The following ENOSF1 variants were observed in gnomAD, a reference collection of about 807,000 sequenced individuals.
ENOSF1 encodes enolase superfamily member 1, also known as mitochondrial enolase superfamily member 1.
Under a neutral mutation model 68.2 loss-of-function variants are expected in ENOSF1, and 73 were observed. The observed-to-expected ratio is 1.07, with a 90% CI of 0.89 to 1.30. The LOEUF (loss-of-function observed/expected upper bound fraction) is 1.30, where lower values mean the gene tolerates loss of function less well. ENOSF1 is among the 50% of genes most tolerant of loss of function. The pLI, the probability that ENOSF1 is intolerant of heterozygous loss-of-function variation, is 0.00. For synonymous variants in ENOSF1, 223 were observed against 210.4 expected (o/e 1.06, Z -0.52); for missense variants, 589 against 554.5 (o/e 1.06, Z -0.62).
In ENOSF1 at chr18:712,602, G is replaced by C. The variant is rs1000374003; in HGVS notation, c.-15C>G. On this transcript the variant is annotated 5_prime_UTR_variant, in exon 1 of 16. Transcript: ENST00000647584. ...CCGCGCACCATGGCCCCTGCGCCCC[G>C]TGGCCGCGGCCCCCGTGCGGTCAGG... 6.5e-7 allele frequency: 1 copy of C among 1,531,526 alleles called. No homozygotes were observed. Among genetic ancestry groups the C allele is most frequent in the Non-Finnish European group, 8.7e-7 (1 of 1,143,850 alleles). The allele number at this position is 1,531,526 out of a possible 1,614,324, so 94.9% of individuals were successfully genotyped here. A position where few individuals can be genotyped will look rare whatever the true frequency, so the allele number is the denominator to read the frequency against.
chr18:712,176 AC>A (rs1173028306), intron 1 of ENOSF1, among the ~76,000 whole-genome samples: 1 of 152,108 alleles, frequency 6.6e-6, no homozygotes, highest in Non-Finnish European at 1.5e-5. Context: ...CAAAGAAAAA[AC>A]CCAGGAGAGT....
downstream of ENOSF1, among the ~76,000 whole-genome samples, chr18:667,278 TG>T (rs1235974179): frequency 5.3e-4 from 7 of 13,262 alleles, 1 homozygote; most frequent in African/African-American, 1.1e-3. Flanking sequence ...GTGATGGTGA[TG>T]GGATGGTGAT....
intron 5 of ENOSF1, chr18:692,220 G>GT (rs1335003172): frequency 2.0e-5 from 3 of 152,202 alleles, no homozygotes; most frequent in Admixed American, 2.0e-4. Flanking sequence ...ACAGCCAGTA[G>GT]TTCCATTCCC....
intron 5 of ENOSF1, chr18:691,521 T>C: frequency 4.7e-6 from 2 of 429,574 alleles, no homozygotes; most frequent in Non-Finnish European, 8.4e-6. Context: ...AATTTATTTT[T>C]ATTTTTGTAG....
chr18:676,645 T>C (rs1261348344), intron 14 of ENOSF1, among the ~76,000 whole-genome samples: 2 of 152,224 alleles, frequency 1.3e-5, no homozygotes, highest in African/African-American at 4.8e-5. Context: ...TTTATAGCAG[T>C]GCAAGAATAG....
downstream of ENOSF1, among the ~76,000 whole-genome samples, chr18:669,730 GGAAGCAGAT>G (rs1399075080): frequency 6.6e-6 from 1 of 151,644 alleles, no homozygotes; most frequent in Non-Finnish European, 1.5e-5. Context: ...CATTTTAAAT[GGAAGCAGAT>G]GAAGTTCCAG....
rs1486237717 is a variant in ENOSF1, at chr18:672,683, A to AAC, written c.*1620_*1621dup. The AAC allele has an allele frequency of 3.5e-6, 2 of 572,852 alleles. No homozygotes were observed. The highest frequency in any genetic ancestry group is 5.9e-6 in the Non-Finnish European group (2 of 341,310). The allele number at this position is 572,852 out of a possible 1,614,324, so 35.5% of individuals were successfully genotyped here. On this transcript the variant is annotated 3_prime_UTR_variant, in exon 16 of 16. Transcript: ENST00000647584. ...CCCTCACTCTCGATCTGTGCAAGAG[A>AAC]ACAGCTGGTTGCGCTCCAATCATGT...
rs2075126613 is a variant in ENOSF1, at chr18:672,755, T to C, written c.*1550A>G. 4.6e-6 allele frequency: 6 copies of C among 1,310,934 alleles called. No individual in the cohort carries two copies. The highest frequency in any genetic ancestry group is 2.9e-5 in the African/African-American group (2 of 68,570). The allele number at this position is 1,310,934 out of a possible 1,614,324, so 81.2% of individuals were successfully genotyped here. ...TCGACAGGATCATACTCCTGTAAAA[T>C]AGAACTTTGTTGATCACATCCTGTG... On this transcript the variant is annotated 3_prime_UTR_variant, in exon 16 of 16. Coordinates refer to ENST00000647584, the MANE Select transcript of ENOSF1 (RefSeq NM_017512.7).
At chr18:691,507 G>A (rs2606249) in intron 5 of ENOSF1, 149,724 of 463,820 alleles carry the variant, frequency 0.32, 25,865 homozygotes, top group Non-Finnish European at 0.36. Flanking sequence ...CACTATGCCC[G>A]GCTAATTTAT....
downstream of ENOSF1, among the ~76,000 whole-genome samples, chr18:666,266 G>A (rs1437199658): frequency 4.0e-5 from 6 of 151,578 alleles, no homozygotes; most frequent in African/African-American, 9.7e-5. Flanking sequence ...GAAGTTCATC[G>A]GTGGGACAAG....
At chr18:680,057 G>T (rs1039393668) in intron 11 of ENOSF1, among the ~76,000 whole-genome samples, 1 of 152,350 alleles carries the variant, frequency 6.6e-6, no homozygotes, top group East Asian at 1.9e-4. Context: ...AAGTGGTAGA[G>T]ACTGGGTTGG....
downstream of ENOSF1, among the ~76,000 whole-genome samples, chr18:667,388 T>A (rs373539472): frequency 2.1e-3 from 33 of 15,510 alleles, 6 homozygotes; most frequent in Non-Finnish European, 3.2e-3. Context: ...ATGGTGATGG[T>A]GATGGAGATG....
Position 675,351 on chromosome 18 carries a change from C to T in ENOSF1, c.1200G>A (p.Met400Ile), listed in dbSNP as rs2075379791. Residue 400 changes from methionine (M) to isoleucine (I), a missense_variant, in exon 15 of 16, where the codon ATG becomes ATA. Coordinates refer to ENST00000647584, the MANE Select transcript of ENOSF1 (RefSeq NM_017512.7). ...GAGGCATGTAGGAAGCCCGCTGGAT[C>T]ATCACGGGATACTTGAAATGCTCAT... ...HLHEHFKYPV[M>I]IQRASYMPPK... is the part of the protein sequence containing the mutation. 1 of 1,612,772 alleles carries T rather than the reference C, an allele frequency of 6.2e-7. No homozygotes were observed.
chr18:666,903 A>ATGGAGATGGTGATGGTGATGGT (rs2074828177), downstream of ENOSF1, among the ~76,000 whole-genome samples: 2 of 60,758 alleles, frequency 3.3e-5, no homozygotes, highest in Non-Finnish European at 6.1e-5. Context: ...ATGGTGATGG[A>ATGGAGATGGTGATGGTGATGGT]GATGGTGATG....
downstream of ENOSF1, among the ~76,000 whole-genome samples, chr18:667,992 A>ATTTTTTTTTT (rs60409589): frequency 2.2e-3 from 230 of 105,328 alleles, 18 homozygotes; most frequent in African/African-American, 8.9e-3. Context: ...ATTCACAGGA[A>ATTTTTTTTTT]TTTTTTTTTT....
chr18:693,603 G>A (rs2077424091), intron 5 of ENOSF1: 1 of 985,424 alleles, frequency 1.0e-6, no homozygotes, highest in Non-Finnish European at 1.2e-6. Flanking sequence ...GTCAGGCAAT[G>A]GAGGCTCAGA....
At chr18:686,877 G>C (rs988924982) in intron 9 of ENOSF1, 1 of 152,238 alleles carries the variant, frequency 6.6e-6, no homozygotes, top group African/African-American at 2.4e-5. Flanking sequence ...GTTCTCTTCT[G>C]TACCAGCTGG....
intron 3 of ENOSF1, among the ~76,000 whole-genome samples, chr18:695,184 T>C (rs749830098): frequency 1.3e-5 from 2 of 152,236 alleles, no homozygotes; most frequent in Non-Finnish European, 2.9e-5. Flanking sequence ...CTTCTTCTTT[T>C]TTAAATGTTA....
At chr18:690,893 T>C (rs1428675697) in intron 7 of ENOSF1, 175 bp downstream of exon 7, 1 of 1,229,386 alleles carries the variant, frequency 8.1e-7, no homozygotes, top group Non-Finnish European at 1.1e-6. Context: ...AAGCAAACTC[T>C]GCAGTCAGAG....
Sources: gnomAD v4.1 joint callset for allele counts (sites outside exome capture counted in the v4.1 genomes callset) on GRCh38, gnomAD v4.1.1 for gene constraint, MANE v1.5 for transcripts, NCBI Gene and HGNC (gene_info 2026-07-23, HGNC 2026-07-21) for gene names.